CTDSPL2: variants seen among roughly 807,000 people sequenced by gnomAD.
CTDSPL2 encodes the protein CTD small phosphatase-like protein 2.
CTDSPL2 carries 5 observed loss-of-function variants against 60.0 expected under a neutral mutation model. That is an observed-to-expected ratio of 0.08 (90% confidence interval 0.04 to 0.18). The LOEUF (loss-of-function observed/expected upper bound fraction) is 0.18. Among genes scored for constraint, CTDSPL2 ranks in the 10% least tolerant of loss-of-function variants. The pLI, the probability that CTDSPL2 is intolerant of heterozygous loss-of-function variation, is 1.00. For missense variants in CTDSPL2, 370 were observed against 548.8 expected (o/e 0.67, Z 3.26); for synonymous variants, 186 against 189.3 (o/e 0.98, Z 0.14).
At chr15:44,516,236 G>A (rs1171291643) in intron 10 of CTDSPL2, among the ~76,000 whole-genome samples, 1 of 151,926 alleles carries the variant, frequency 6.6e-6, no homozygotes, top group African/African-American at 2.4e-5. Flanking sequence ...CCAAACTGCT[G>A]GCATTACAGG....
chr15:44,452,330 A>T (rs1379071711), intron 1 of CTDSPL2, among the ~76,000 whole-genome samples: 1 of 152,102 alleles, frequency 6.6e-6, no homozygotes, highest in Non-Finnish European at 1.5e-5. Context: ...GCCATTGTTT[A>T]GCATGTCTAT....
chr15:44,501,848 A>C (rs1389436613), intron 8 of CTDSPL2: 1 of 351,520 alleles, frequency 2.8e-6, no homozygotes, highest in African/African-American at 2.1e-5. Context: ...TTATTTTGGC[A>C]TAGCCATTCT....
intron 11 of CTDSPL2, 61 bp from the exon 12 acceptor site, chr15:44,521,250 T>C: frequency 1.2e-6 from 1 of 847,666 alleles, no homozygotes; most frequent in Non-Finnish European, 1.8e-6. Context: ...ATTTTTTAAC[T>C]TTTTCCAAAC....
chr15:44,497,150 A>C lies in CTDSPL2; in HGVS notation c.882+12A>C. 1 of 1,438,806 alleles carries C rather than the reference A, an allele frequency of 7.0e-7. No individual in the cohort carries two copies. The highest frequency in any genetic ancestry group is 9.7e-7 in the Non-Finnish European group (1 of 1,025,866). 89.1% of individuals were successfully genotyped at this position (1,438,806 alleles called of 1,614,324 possible). ...TAGTTTTAGACTTGGTAAGTATATTATCTGTAGAGGTAGAGAGAATAAAGG... is the reference window on the plus strand; with the variant it reads ...TAGTTTTAGACTTGGTAAGTATATTCTCTGTAGAGGTAGAGAGAATAAAGG... On this transcript the variant is annotated intron_variant, in intron 7 of 12. Transcript: ENST00000260327.
intron 1 of CTDSPL2, chr15:44,428,052 C>T (rs567135949): frequency 1.3e-4 from 25 of 192,646 alleles, no homozygotes; most frequent in African/African-American, 5.8e-4. Flanking sequence ...CACTTTGCTA[C>T]CCACCCCCAC....
intron 3 of CTDSPL2, 94 bp downstream of exon 3, chr15:44,484,456 C>A: frequency 8.3e-7 from 1 of 1,203,528 alleles, no homozygotes; most frequent in Non-Finnish European, 1.2e-6. Flanking sequence ...ACTTTGAGGC[C>A]GGGTGCAGTG....
At chr15:44,490,746 T>C in intron 4 of CTDSPL2, 38 bp from the exon 5 acceptor site, 2 of 1,531,720 alleles carry the variant, frequency 1.3e-6, no homozygotes, top group Non-Finnish European at 1.8e-6. Flanking sequence ...AATAGGTGCA[T>C]TTTTAAATGA....
Position 44,519,511 on chromosome 15 carries a change from G to C in CTDSPL2, c.1239+216G>C, listed in dbSNP as rs577916083. 1.0e-5 allele frequency: 4 copies of C among 387,854 alleles called. No homozygotes were observed. The South Asian group carries it at 1.7e-4, about 17-fold the overall frequency. The allele number at this position is 387,854 out of a possible 1,614,324, so 24.0% of individuals were successfully genotyped here. A position where few individuals can be genotyped will look rare whatever the true frequency, so the allele number is the denominator to read the frequency against. On this transcript the variant is annotated intron_variant, in intron 11 of 12. Transcript: ENST00000260327. ...ATGCAGCATAAATGAAGAAAAACCT[G>C]AGTAAGAAAACTATAAGATAAGCAT...
At chr15:44,449,988 CA>C (rs35999965) in intron 1 of CTDSPL2, among the ~76,000 whole-genome samples, 4,476 of 143,800 alleles carry the variant, frequency 0.031, 243 homozygotes, top group African/African-American at 0.11. Flanking sequence ...GAGTCTGTCT[CA>C]AAAAAAAAAA....
At chr15:44,482,468 A>T (rs555443715) in intron 2 of CTDSPL2, among the ~76,000 whole-genome samples, 1 of 152,362 alleles carries the variant, frequency 6.6e-6, no homozygotes, top group Middle Eastern at 3.4e-3. Context: ...ATGTTATAGC[A>T]GCTGTACTAG....
intron 7 of CTDSPL2, among the ~76,000 whole-genome samples, chr15:44,497,665 C>T (rs1006084052): frequency 3.9e-5 from 6 of 152,118 alleles, no homozygotes; most frequent in African/African-American, 1.2e-4. Flanking sequence ...CCACTGAGCC[C>T]GGCCCCAGTA....
intron 8 of CTDSPL2, among the ~76,000 whole-genome samples, chr15:44,508,480 A>G (rs2081509754): frequency 6.6e-6 from 1 of 152,076 alleles, no homozygotes; most frequent in African/African-American, 2.4e-5. Context: ...AATAGCACCT[A>G]CCAGTCATCT....
At chr15:44,486,003 A>G (rs1171685202) in intron 3 of CTDSPL2, among the ~76,000 whole-genome samples, 2 of 152,164 alleles carry the variant, frequency 1.3e-5, no homozygotes, top group Non-Finnish European at 2.9e-5. Flanking sequence ...ATTTACAGGA[A>G]ACTTAAAATT....
chr15:44,491,390 A>G (rs748635177), intron 5 of CTDSPL2, among the ~76,000 whole-genome samples: 7 of 152,320 alleles, frequency 4.6e-5, no homozygotes, highest in East Asian at 1.9e-4. Context: ...GATTACATCA[A>G]TGACATCCCC....
intron 1 of CTDSPL2, among the ~76,000 whole-genome samples, chr15:44,433,797 A>T (rs1344842086): frequency 6.6e-6 from 1 of 151,814 alleles, no homozygotes; most frequent in Non-Finnish European, 1.5e-5. Context: ...TAAAAATACA[A>T]AAAAAATTAG....
At position 44,527,705 on chromosome 15, in the gene CTDSPL2, AG is replaced by A. The variant is rs2081897048; in HGVS notation, c.*3532del. On this transcript the variant is annotated 3_prime_UTR_variant, in exon 13 of 13. Coordinates refer to ENST00000260327, the MANE Select transcript of CTDSPL2 (RefSeq NM_016396.3). ...GTGTATCTAAATTAACTTAGTTAAT[AG>A]TTACCCACCGAATAACTATGCCAAG... 6.6e-6 allele frequency: 1 copy of A among 152,232 alleles called. No homozygotes were observed. Among genetic ancestry groups the A allele is most frequent in the Non-Finnish European group, 1.5e-5 (1 of 68,028 alleles). 9.4% of individuals were successfully genotyped at this position (152,232 alleles called of 1,614,324 possible).
chr15:44,492,714 C>A (rs574673999), intron 5 of CTDSPL2, among the ~76,000 whole-genome samples: 1 of 152,130 alleles, frequency 6.6e-6, no homozygotes, highest in South Asian at 2.1e-4. Context: ...GTGAAAGATT[C>A]ATATGTATAA....
At chr15:44,484,568 C>T (rs961927721) in intron 3 of CTDSPL2, among the ~76,000 whole-genome samples, 1 of 152,196 alleles carries the variant, frequency 6.6e-6, no homozygotes, top group African/African-American at 2.4e-5. Context: ...AACCCCGTCT[C>T]TATTAAAATC....
At chr15:44,436,620 A>AGTGTG (rs1318884000) in intron 1 of CTDSPL2, among the ~76,000 whole-genome samples, 3 of 152,178 alleles carry the variant, frequency 2.0e-5, no homozygotes, top group African/African-American at 2.4e-5. Flanking sequence ...CTGGAAACTG[A>AGTGTG]GTGTGTCCAC....
Sources: allele counts gnomAD v4.1 joint callset (sites outside exome capture counted in the v4.1 genomes callset), GRCh38; gene constraint gnomAD v4.1.1; transcripts MANE v1.5; gene names NCBI Gene and HGNC (gene_info 2026-07-23, HGNC 2026-07-21).